EIF3H: variants seen among roughly 807,000 people sequenced by gnomAD.
The protein encoded by EIF3H is eIF-3-gamma.
EIF3H carries 26 observed loss-of-function variants against 44.2 expected under a neutral mutation model. The observed-to-expected ratio is 0.59, with a 90% confidence interval of 0.43 to 0.82. The LOEUF is 0.82. Among genes scored for constraint, EIF3H ranks in the 40% least tolerant of loss-of-function variants. The pLI is 0.00. For synonymous variants in EIF3H, 166 were observed against 151.9 expected (o/e 1.09, Z -0.68); for missense variants, 359 against 432.8 (o/e 0.83, Z 1.51).
intron 2 of EIF3H, among the ~76,000 whole-genome samples, chr8:116,710,969 A>C (rs1814564543): frequency 6.6e-6 from 1 of 152,226 alleles, no homozygotes; most frequent in Non-Finnish European, 1.5e-5. Context: ...GCCTATCTGA[A>C]AGTTTGCCAT....
At chr8:116,652,809 TG>T (rs1012168840) in intron 5 of EIF3H, among the ~76,000 whole-genome samples, 3 of 150,724 alleles carry the variant, frequency 2.0e-5, no homozygotes, top group Non-Finnish European at 4.4e-5. Flanking sequence ...TGAAAATCTA[TG>T]AAGAAGGAAG....
At chr8:116,670,924 C>G (rs1267678279) in intron 2 of EIF3H, among the ~76,000 whole-genome samples, 4 of 152,060 alleles carry the variant, frequency 2.6e-5, no homozygotes, top group Non-Finnish European at 5.9e-5. Flanking sequence ...TATGGAGGGC[C>G]ACTAGGATTA....
chr8:116,697,314 AT>A (rs1408162768), intron 2 of EIF3H: 2 of 403,748 alleles, frequency 5.0e-6, no homozygotes, highest in Non-Finnish European at 4.9e-6. Flanking sequence ...AAAAAATTGC[AT>A]GCCTGCTTGC....
intron 2 of EIF3H, among the ~76,000 whole-genome samples, chr8:116,677,288 C>G (rs1276873154): frequency 1.3e-5 from 2 of 152,006 alleles, no homozygotes; most frequent in African/African-American, 2.4e-5. Context: ...AAATAAGCAG[C>G]TTACAAATCA....
chr8:116,697,918 A>C (rs1053164088), intron 2 of EIF3H, among the ~76,000 whole-genome samples: 2 of 152,246 alleles, frequency 1.3e-5, no homozygotes, highest in African/African-American at 4.8e-5. Flanking sequence ...AATTGTACCA[A>C]GACTTTTGTG....
chr8:116,642,375 G>A lies in EIF3H; in HGVS notation c.*2631C>T, dbSNP rs2130761434. On this transcript the variant is annotated 3_prime_UTR_variant, in exon 8 of 8. Transcript: ENST00000521861. ...AATCACACCAAGCTCTCTTAATTAG[G>A]TTAACATTAGACAACTACATCTCAA... 6.6e-6 allele frequency: 1 copy of A among 152,120 alleles called. No individual in the cohort carries two copies. The highest frequency in any genetic ancestry group is 1.9e-4 in the East Asian group (1 of 5,182). 9.4% of individuals were successfully genotyped at this position (152,120 alleles called of 1,614,324 possible). A position where few individuals can be genotyped will look rare whatever the true frequency, so the allele number is the denominator to read the frequency against.
At chr8:116,648,214 T>A (rs1217037762) in intron 6 of EIF3H, among the ~76,000 whole-genome samples, 2 of 152,182 alleles carry the variant, frequency 1.3e-5, no homozygotes, top group African/African-American at 4.8e-5. Context: ...TTTAGAGCAG[T>A]ATAGTCCAAA....
At chr8:116,722,227 C>G (rs1192244578) in intron 2 of EIF3H, among the ~76,000 whole-genome samples, 1 of 152,130 alleles carries the variant, frequency 6.6e-6, no homozygotes, top group South Asian at 2.1e-4. Context: ...TAAGGGGAAA[C>G]CCCCTTCACT....
At chr8:116,719,873 C>T (rs964192326) in intron 2 of EIF3H, among the ~76,000 whole-genome samples, 8 of 152,086 alleles carry the variant, frequency 5.3e-5, no homozygotes, top group Non-Finnish European at 7.3e-5. Flanking sequence ...ATTTCAGATA[C>T]GGAATAATGA....
chr8:116,674,750 C>G lies in EIF3H; in HGVS notation c.290-15770G>C, dbSNP rs566603838. Among the ~76,000 whole-genome samples the G allele has an allele frequency of 1.4e-4, 21 of 152,184 alleles. 1 individual carries two copies. In the East Asian group the frequency reaches 3.9e-3, roughly 28 times the overall value. On this transcript the variant is annotated intron_variant, in intron 2 of 7. Transcript: ENST00000521861. Reference sequence around the variant, plus strand: ...GAAATATAATTACTATACTTTCTCTCCAAATAATATTTGTCAGTAACTCAT... The same window carrying G: ...GAAATATAATTACTATACTTTCTCTGCAAATAATATTTGTCAGTAACTCAT...
intron 2 of EIF3H, among the ~76,000 whole-genome samples, chr8:116,714,194 A>G (rs1453969782): frequency 2.0e-5 from 3 of 152,090 alleles, no homozygotes; most frequent in African/African-American, 7.2e-5. Flanking sequence ...ACTTATGAGG[A>G]CCCAAACATA....
intron 2 of EIF3H, among the ~76,000 whole-genome samples, chr8:116,697,542 A>T (rs560038362): frequency 3.3e-5 from 5 of 152,316 alleles, no homozygotes; most frequent in African/African-American, 9.6e-5. Flanking sequence ...TCAAGCCGCT[A>T]TCCCTATATT....
At chr8:116,752,760 G>GAGAAAGAAAGAAAGAAA (rs1815375637) in intron 1 of EIF3H, among the ~76,000 whole-genome samples, 1 of 20,086 alleles carries the variant, frequency 5.0e-5, no homozygotes, top group African/African-American at 2.5e-4. Context: ...AAAGAGGGAG[G>GAGAAAGAAAGAAAGAAA]GAGGGAGGGA....
chr8:116,682,013 T>G (rs1813998265), intron 2 of EIF3H, among the ~76,000 whole-genome samples: 1 of 152,204 alleles, frequency 6.6e-6, no homozygotes. Flanking sequence ...AACCAGATGT[T>G]CCTATGGAAC....
chr8:116,661,538 G>T (rs1813587007), intron 2 of EIF3H, among the ~76,000 whole-genome samples: 1 of 152,244 alleles, frequency 6.6e-6, no homozygotes, highest in East Asian at 1.9e-4. Flanking sequence ...AGAGATCTGA[G>T]AACCCAATCC....
chr8:116,726,195 G>T, intron 1 of EIF3H, 23 bp from the exon 2 acceptor site: 1 of 1,587,522 alleles, frequency 6.3e-7, no homozygotes, highest in Non-Finnish European at 8.6e-7. Context: ...CACACAGAAG[G>T]GAGCTTAACA....
exon 1 of EIF3H, chr8:116,765,731 A>C (rs1230340260): frequency 6.6e-6 from 1 of 152,234 alleles, no homozygotes; most frequent in Non-Finnish European, 1.5e-5. Context: ...GACAGTGAGG[A>C]AGTTGAACCC....
chr8:116,709,826 G>A (rs923164901), intron 2 of EIF3H, among the ~76,000 whole-genome samples: 1 of 152,154 alleles, frequency 6.6e-6, no homozygotes, highest in African/African-American at 2.4e-5. Flanking sequence ...CAAAAAATAC[G>A]AAGAGATAAA....
At chr8:116,764,081 A>T (rs1222990431) in intron 1 of EIF3H, among the ~76,000 whole-genome samples, 3 of 152,236 alleles carry the variant, frequency 2.0e-5, no homozygotes, top group Admixed American at 2.0e-4. Context: ...AATGAAGAAC[A>T]TAAAAAATAA....
Sources: gnomAD v4.1 joint callset for allele counts (sites outside exome capture counted in the v4.1 genomes callset) on GRCh38, gnomAD v4.1.1 for gene constraint, MANE v1.5 for transcripts, NCBI Gene and HGNC (gene_info 2026-07-23, HGNC 2026-07-21) for gene names.